BRI3: variants seen among roughly 807,000 people sequenced by gnomAD.
The protein encoded by BRI3 is brain protein I3, also known as membrane protein BRI3.
BRI3 carries 6 observed loss-of-function variants against 12.8 expected under a neutral mutation model. The ratio of observed to expected loss-of-function variants is 0.47; its 90% CI spans 0.26 to 0.93. The LOEUF is 0.93. BRI3 is among the 40% of genes least tolerant of loss of function. BRI3 has a pLI of 0.15. For synonymous variants in BRI3, 91 were observed against 76.1 expected (o/e 1.20, Z -1.02); for missense variants, 134 against 171.1 (o/e 0.78, Z 1.21).
chr7:98,305,447 C>T (rs982258515), upstream of BRI3, among the ~76,000 whole-genome samples: 9 of 152,036 alleles, frequency 5.9e-5, no homozygotes, highest in African/African-American at 2.2e-4. Flanking sequence ...AGCATCAGAC[C>T]CTGGGGAATG....
chr7:98,294,736 G>A (rs972853481), downstream of BRI3, among the ~76,000 whole-genome samples: 1 of 152,196 alleles, frequency 6.6e-6, no homozygotes, highest in Non-Finnish European at 1.5e-5. Context: ...AAAGAAACAG[G>A]AAATAAAAAT....
downstream of BRI3, among the ~76,000 whole-genome samples, chr7:98,311,050 C>T (rs1172859873): frequency 6.6e-6 from 1 of 151,644 alleles, no homozygotes; most frequent in Non-Finnish European, 1.5e-5. Context: ...CCTGCTGCAT[C>T]CCAATCTCCA....
At chr7:98,307,739 G>T in exon 2 of BRI3, 1 of 1,614,262 alleles carries the variant, frequency 6.2e-7, no homozygotes, top group Non-Finnish European at 8.5e-7. Context: ...TCTCCTCGGG[G>T]ATGAGCAGCG....
downstream of BRI3, among the ~76,000 whole-genome samples, chr7:98,296,256 G>T (rs192389125): frequency 9.7e-4 from 148 of 152,366 alleles, no homozygotes; most frequent in African/African-American, 3.4e-3. Flanking sequence ...GTCCTGCTGG[G>T]TATACGGAGT....
Position 98,291,435 on chromosome 7 carries a change from A to AACTC in BRI3, c.*194_*197dup. The AACTC allele has an allele frequency of 7.1e-7, 1 of 1,417,412 alleles. No individual in the cohort carries two copies. Among genetic ancestry groups the AACTC allele is most frequent in the East Asian group, 2.6e-5 (1 of 38,476 alleles). The allele number at this position is 1,417,412 out of a possible 1,614,324, so 87.8% of individuals were successfully genotyped here. A position where few individuals can be genotyped will look rare whatever the true frequency, so the allele number is the denominator to read the frequency against. On this transcript the variant is annotated 3_prime_UTR_variant, in exon 3 of 3. Coordinates refer to ENST00000297290, the MANE Select transcript of BRI3 (RefSeq NM_015379.5). Reference sequence around the variant, plus strand: ...GCTGCTCCCGCCCGAGGCTCATGACAACTCAATAAAGCACTGCTTTTATTT... The same window carrying AACTC: ...GCTGCTCCCGCCCGAGGCTCATGACAACTCACTCAATAAAGCACTGCTTTTATTT...
At position 98,291,340 on chromosome 7, in the gene BRI3, T is replaced by G; in HGVS notation, c.*97T>G. On this transcript the variant is annotated 3_prime_UTR_variant, in exon 3 of 3. Coordinates refer to ENST00000297290, the MANE Select transcript of BRI3 (RefSeq NM_015379.5). ...TATTTGATTAAGCTTCAGGACTGTT[T>G]TGTAAAGCGAGGTGGGACCGATGTG... The G allele has an allele frequency of 6.4e-7, 1 of 1,552,608 alleles. No individual in the cohort carries two copies. Among genetic ancestry groups the G allele is most frequent in the Non-Finnish European group, 8.7e-7 (1 of 1,147,768 alleles).
At chr7:98,307,784 CTTG>C (rs1800716356) in exon 2 of BRI3, 1 of 1,614,258 alleles carries the variant, frequency 6.2e-7, no homozygotes, top group Non-Finnish European at 8.5e-7. Flanking sequence ...TGAGTAAGGT[CTTG>C]TTGGAGCCCG....
chr7:98,307,403 C>T, intron 1 of BRI3: 1 of 1,246,316 alleles, frequency 8.0e-7, no homozygotes, highest in Non-Finnish European at 1.0e-6. Flanking sequence ...ACTGCACTGG[C>T]CAAATGCTAA....
intron 2 of BRI3, among the ~76,000 whole-genome samples, chr7:98,286,465 T>C (rs1209334508): frequency 6.6e-6 from 1 of 152,028 alleles, no homozygotes; most frequent in African/African-American, 2.4e-5. Flanking sequence ...TGCACAAGAA[T>C]GGGGGAGGGG....
chr7:98,282,239 A>G (rs1584384794), intron 1 of BRI3, 112 bp from the exon 2 acceptor site: 3 of 1,004,966 alleles, frequency 3.0e-6, no homozygotes, highest in Non-Finnish European at 2.9e-6. Context: ...GAGGGTGGAA[A>G]AGACCGGGGG....
At chr7:98,289,086 T>C (rs1458993793) in intron 2 of BRI3, among the ~76,000 whole-genome samples, 1 of 152,042 alleles carries the variant, frequency 6.6e-6, no homozygotes, top group African/African-American at 2.4e-5. Context: ...GCTTCCCGAG[T>C]AGCTGGGATT....
exon 2 of BRI3, chr7:98,307,685 T>A (rs1325890846): frequency 1.9e-6 from 3 of 1,613,742 alleles, no homozygotes; most frequent in Non-Finnish European, 2.5e-6. Flanking sequence ...ACGCCCAGAC[T>A]TACGCCTTGG....
At chr7:98,315,845 C>T in the BRI3 span, among the ~76,000 whole-genome samples, 2 of 152,282 alleles carry the variant, frequency 1.3e-5, no homozygotes, top group South Asian at 2.1e-4. Flanking sequence ...GACATTCCCA[C>T]GGGGCAATTT....
chr7:98,293,501 G>A (rs780253951), downstream of BRI3: 1 of 1,608,404 alleles, frequency 6.2e-7, no homozygotes, highest in East Asian at 2.2e-5. Context: ...AGAGGCCCGG[G>A]AGAGTCCTTG....
At chr7:98,321,238 A>G in the BRI3 span, among the ~76,000 whole-genome samples, 1 of 152,212 alleles carries the variant, frequency 6.6e-6, no homozygotes, top group Non-Finnish European at 1.5e-5. Context: ...TGTCTCACAA[A>G]TGATTACTTC....
the BRI3 span, among the ~76,000 whole-genome samples, chr7:98,318,594 A>ACGGACCCG: frequency 6.6e-6 from 1 of 151,704 alleles, no homozygotes; most frequent in Non-Finnish European, 1.5e-5. Context: ...AGGGTCTTAA[A>ACGGACCCG]CGGACCCGCG....
At position 98,299,646 on chromosome 7, in the gene BRI3, C is replaced by T. The variant is rs749282911; in HGVS notation, c.72-6837C>T. ...AGCAGGGATCACAGGTGTGAGCCAC[C>T]GTGCCCAGCTAGAGCAAGTTTTTAA... On this transcript the variant is annotated intron_variant and NMD_transcript_variant, in intron 1 of 2. Coordinates refer to the BRI3 transcript ENST00000491463. Among the ~76,000 whole-genome samples the T allele has an allele frequency of 2.0e-5, 3 of 152,208 alleles. No homozygotes were observed. The South Asian group carries it at 6.2e-4, about 32-fold the overall frequency.
At chr7:98,307,337 C>G in intron 1 of BRI3, 1 of 1,026,434 alleles carries the variant, frequency 9.7e-7, no homozygotes. Flanking sequence ...AACTCCTAAC[C>G]TCAGGTGATC....
downstream of BRI3, among the ~76,000 whole-genome samples, chr7:98,313,209 A>C (rs1220550029): frequency 1.3e-5 from 2 of 150,210 alleles, no homozygotes; most frequent in Non-Finnish European, 2.9e-5. Context: ...GGCCTGCTTC[A>C]TCCCAACTCC....
Sources: allele counts gnomAD v4.1 joint callset (sites outside exome capture counted in the v4.1 genomes callset), GRCh38; gene constraint gnomAD v4.1.1; transcripts MANE v1.5; gene names NCBI Gene and HGNC (gene_info 2026-07-23, HGNC 2026-07-21).